Variants in STRN observed in about 807,000 individuals in gnomAD.
STRN encodes the protein striatin.
Under a neutral mutation model 96.3 loss-of-function variants are expected in STRN, and 53 were observed. The observed-to-expected ratio is 0.55, with a 90% CI of 0.44 to 0.69. STRN has a LOEUF of 0.69. STRN is among the 30% of genes least tolerant of loss of function. The pLI is 0.00. For missense variants in STRN, 987 were observed against 963.9 expected (o/e 1.02, Z -0.32); for synonymous variants, 428 against 355.9 (o/e 1.20, Z -2.28).
At chr2:36,927,551 A>G (rs1558656604) in intron 1 of STRN, among the ~76,000 whole-genome samples, 2 of 146,350 alleles carry the variant, frequency 1.4e-5, no homozygotes, top group African/African-American at 5.0e-5. Flanking sequence ...AATCAGGGCC[A>G]GGCATGGTAG....
chr2:36,875,384 T>C (rs1207003228), intron 10 of STRN, among the ~76,000 whole-genome samples: 1 of 151,616 alleles, frequency 6.6e-6, no homozygotes, highest in Non-Finnish European at 1.5e-5. Flanking sequence ...TGCACACCTA[T>C]GGTCCCAGCT....
intron 10 of STRN, among the ~76,000 whole-genome samples, chr2:36,875,659 A>AC (rs1668885611): frequency 7.0e-6 from 1 of 142,494 alleles, no homozygotes; most frequent in African/African-American, 2.6e-5. Flanking sequence ...AATAGAAATG[A>AC]TTTTTTTTTT....
rs113088190 is a variant in STRN at position 36,906,137 on chromosome 2, T to C, written c.413-519A>G. 9.9e-3 allele frequency among the ~76,000 whole-genome samples: 1,508 copies of C among 152,226 alleles called. 37 individuals are homozygous for C. The highest frequency in any genetic ancestry group is 0.035 in the African/African-American group (1,442 of 41,538). ...AAACATCTCATGTACCCCATAAATA[T>C]ATACACCATGTACCCACAGAAATTA... On this transcript the variant is annotated intron_variant, in intron 3 of 17. Transcript: ENST00000263918.
At chr2:36,916,289 T>C in intron 2 of STRN, 138 bp from the exon 3 acceptor site, 1 of 699,634 alleles carries the variant, frequency 1.4e-6, no homozygotes, top group South Asian at 2.0e-5. Flanking sequence ...TTCCATGGTG[T>C]CAAAGTTATA....
At position 36,884,013 on chromosome 2, in the gene STRN, A is replaced by AAGG; in HGVS notation, c.1102_1104dup (p.Pro368dup). The AAGG allele has an allele frequency of 6.9e-7, 1 of 1,446,894 alleles. No individual in the cohort carries two copies. The highest frequency in any genetic ancestry group is 2.3e-5 in the Admixed American group (1 of 43,916). 89.6% of individuals were successfully genotyped at this position (1,446,894 alleles called of 1,614,324 possible). A position where few individuals can be genotyped will look rare whatever the true frequency, so the allele number is the denominator to read the frequency against. Reference sequence around the variant, plus strand: ...GGTGAACCCACAGATGGCTGCAATGAAGGAAGTTCATCAACATCTCTCAAA... The same window carrying AAGG: ...GGTGAACCCACAGATGGCTGCAATGAAGGAGGAAGTTCATCAACATCTCTCAAA... On this transcript the variant is annotated inframe_insertion, in exon 9 of 18. Transcript: ENST00000263918.
chr2:36,889,708 C>CA (rs2148182868), intron 7 of STRN, among the ~76,000 whole-genome samples: 1 of 151,980 alleles, frequency 6.6e-6, no homozygotes, highest in East Asian at 1.9e-4. Context: ...AGATTTGCAA[C>CA]CTAGTTTTGT....
At chr2:36,868,137 T>C (rs1023361501) in intron 11 of STRN, among the ~76,000 whole-genome samples, 1 of 152,206 alleles carries the variant, frequency 6.6e-6, no homozygotes, top group African/African-American at 2.4e-5. Flanking sequence ...AGAAAAAGCA[T>C]GAGCTTTGAA....
intron 9 of STRN, among the ~76,000 whole-genome samples, chr2:36,880,600 C>T (rs1669044054): frequency 6.6e-6 from 1 of 152,106 alleles, no homozygotes; most frequent in Non-Finnish European, 1.5e-5. Context: ...TACCATATAT[C>T]ATCCGAGAAG....
At chr2:36,856,664 A>C (rs1180929753) in intron 14 of STRN, among the ~76,000 whole-genome samples, 2 of 152,206 alleles carry the variant, frequency 1.3e-5, no homozygotes. Context: ...AAAGACACGA[A>C]GGAACTTTGG....
chr2:36,875,514 A>T (rs1668881002), intron 10 of STRN, among the ~76,000 whole-genome samples: 1 of 148,268 alleles, frequency 6.7e-6, no homozygotes, highest in Non-Finnish European at 1.5e-5. Context: ...TCAAAAAAAA[A>T]AAAAAAAAAA....
Position 36,894,034 on chromosome 2 carries a change from C to G in STRN, c.796-1G>C. Reference sequence around the variant, plus strand: ...CAGGCAATGCTTTTTTCCTAACAATCTAATGAAAAAACATGCTAAATTAAA... The same window carrying G: ...CAGGCAATGCTTTTTTCCTAACAATGTAATGAAAAAACATGCTAAATTAAA... On this transcript the variant is annotated splice_acceptor_variant, in intron 6 of 17. Transcript: ENST00000263918. LOFTEE classifies it high-confidence loss of function. 6.2e-7 allele frequency: 1 copy of G among 1,607,308 alleles called. No homozygotes were observed. The highest frequency in any genetic ancestry group is 8.5e-7 in the Non-Finnish European group (1 of 1,178,364).
Position 36,849,267 on chromosome 2 carries a change from G to A in STRN, c.*189C>T. The stretch of plus-strand genomic sequence containing the variant: ...GCTCACAGATTCAGCTGAGCTTGCA[G>A]CAACCTGAACAAACCTTAGTTTTAG... On this transcript the variant is annotated 3_prime_UTR_variant, in exon 18 of 18. Transcript: ENST00000263918. 1.6e-6 allele frequency: 1 copy of A among 643,880 alleles called. No homozygotes were observed. The highest frequency in any genetic ancestry group is 2.5e-6 in the Non-Finnish European group (1 of 395,714). The allele number at this position is 643,880 out of a possible 1,614,324, so 39.9% of individuals were successfully genotyped here.
At position 36,893,888 on chromosome 2, in the gene STRN, G is replaced by T; in HGVS notation, c.931+10C>A. On this transcript the variant is annotated intron_variant, in intron 7 of 17. Coordinates refer to ENST00000263918, the MANE Select transcript of STRN (RefSeq NM_003162.4). ...TAACATCTCTGGTTGGATCCAGTAT[G>T]CTTCCTTACCCCAGTCTGTTCCATC... is the stretch of plus-strand genomic sequence containing the variant. 6.3e-7 allele frequency: 1 copy of T among 1,593,092 alleles called. No homozygotes were observed. Among genetic ancestry groups the T allele is most frequent in the Non-Finnish European group, 8.5e-7 (1 of 1,174,342 alleles).
At chr2:36,930,020 T>G (rs1670529807) in intron 1 of STRN, among the ~76,000 whole-genome samples, 1 of 152,224 alleles carries the variant, frequency 6.6e-6, no homozygotes, top group South Asian at 2.1e-4. Flanking sequence ...TCTTAATGCC[T>G]TCTATAAACT....
intron 9 of STRN, among the ~76,000 whole-genome samples, chr2:36,883,174 G>T (rs1015895873): frequency 1.3e-5 from 2 of 152,040 alleles, no homozygotes; most frequent in Non-Finnish European, 2.9e-5. Context: ...TACATGTGAG[G>T]CCAGGCATGG....
At chr2:36,857,612 A>G (rs1027836795) in intron 14 of STRN, among the ~76,000 whole-genome samples, 1 of 152,112 alleles carries the variant, frequency 6.6e-6, no homozygotes, top group Non-Finnish European at 1.5e-5. Context: ...GTGAGCCGAG[A>G]TTGCGCCACT....
At chr2:36,900,283 A>T (rs1212600419) in intron 5 of STRN, among the ~76,000 whole-genome samples, 3 of 152,172 alleles carry the variant, frequency 2.0e-5, no homozygotes, top group Non-Finnish European at 2.9e-5. Flanking sequence ...ATTTCATTTT[A>T]AAAATATTTT....
intron 7 of STRN, among the ~76,000 whole-genome samples, chr2:36,892,396 C>T (rs1669424076): frequency 6.6e-6 from 1 of 151,802 alleles, no homozygotes; most frequent in Admixed American, 6.6e-5. Flanking sequence ...AACAAACCTG[C>T]AAATGTACTC....
Position 36,878,039 on chromosome 2 carries a change from A to G in STRN, c.1187-12T>C, listed in dbSNP as rs751073394. The G allele has an allele frequency of 6.2e-7, 1 of 1,611,458 alleles. No individual in the cohort carries two copies. Among genetic ancestry groups the G allele is most frequent in the Non-Finnish European group, 8.5e-7 (1 of 1,179,418 alleles). On this transcript the variant is annotated splice_polypyrimidine_tract_variant and intron_variant, in intron 9 of 17. Coordinates refer to ENST00000263918, the MANE Select transcript of STRN (RefSeq NM_003162.4). Reference sequence around the variant, plus strand: ...TGTCAATGCTTCCACTGAAGAGGGAAGACAAAGGAAACATTAAAAAATCTC... The same window carrying G: ...TGTCAATGCTTCCACTGAAGAGGGAGGACAAAGGAAACATTAAAAAATCTC...
Sources: allele counts gnomAD v4.1 joint callset (sites outside exome capture counted in the v4.1 genomes callset), GRCh38; gene constraint gnomAD v4.1.1; transcripts MANE v1.5; gene names NCBI Gene and HGNC (gene_info 2026-07-23, HGNC 2026-07-21).